The following MLLT10 variants were observed in gnomAD, a reference collection of about 807,000 sequenced individuals.
The protein encoded by MLLT10 is protein AF-10.
In MLLT10, 30 loss-of-function variants were observed where a neutral mutation model predicts 129.1. The ratio of observed to expected loss-of-function variants is 0.23; its 90% CI spans 0.17 to 0.32. MLLT10 has a LOEUF of 0.32. MLLT10 is among the 10% of genes least tolerant of loss of function. The pLI, the probability that MLLT10 is intolerant of heterozygous loss-of-function variation, is 1.00. For synonymous variants in MLLT10, 490 were observed against 446.4 expected (o/e 1.10, Z -1.23); for missense variants, 1,119 against 1,268.3 (o/e 0.88, Z 1.79).
intron 13 of MLLT10, among the ~76,000 whole-genome samples, chr10:21,712,525 T>TC (rs1485246720): frequency 6.6e-6 from 1 of 152,240 alleles, no homozygotes; most frequent in Non-Finnish European, 1.5e-5. Context: ...TTTATTTATT[T>TC]CTTTTTTCTG....
Position 21,669,060 on chromosome 10 carries a change from A to C in MLLT10, c.796-1389A>C, listed in dbSNP as rs537943914. 23 of 1,363,366 alleles carry C rather than the reference A, an allele frequency of 1.7e-5. No homozygotes were observed. In the African/African-American group the frequency reaches 3.0e-4, roughly 18 times the overall value. The allele number at this position is 1,363,366 out of a possible 1,614,324, so 84.5% of individuals were successfully genotyped here. On this transcript the variant is annotated intron_variant, in intron 9 of 22. Transcript: ENST00000307729. ...AAGGTTCATATTTCTAAAGTAAGCC[A>C]TGAAGTTTCATCAGCTTAAATGTAA...
intron 3 of MLLT10, chr10:21,551,690 C>G (rs1039272576): frequency 3.4e-6 from 1 of 294,968 alleles, no homozygotes; most frequent in African/African-American, 2.3e-5. Context: ...GAATTGAAAA[C>G]ATAGATGTAC....
chr10:21,578,389 C>G (rs2041017178), intron 3 of MLLT10, among the ~76,000 whole-genome samples: 1 of 152,150 alleles, frequency 6.6e-6, no homozygotes, highest in Non-Finnish European at 1.5e-5. Flanking sequence ...AGACATGCGA[C>G]TTGTAGACTT....
chr10:21,662,431 A>G (rs2050308058), intron 9 of MLLT10, among the ~76,000 whole-genome samples: 1 of 145,308 alleles, frequency 6.9e-6, no homozygotes, highest in South Asian at 2.3e-4. Flanking sequence ...TTCCTTTTCA[A>G]TTTTGGAAGT....
At chr10:21,717,819 TCTC>T (rs1363217802) in intron 14 of MLLT10, among the ~76,000 whole-genome samples, 4 of 107,274 alleles carry the variant, frequency 3.7e-5, no homozygotes, top group African/African-American at 1.5e-4. Context: ...TTCTCCTTCT[TCTC>T]CTCCTTCTCC....
chr10:21,538,098 T>C (rs2034396343), intron 2 of MLLT10, among the ~76,000 whole-genome samples: 1 of 151,208 alleles, frequency 6.6e-6, no homozygotes, highest in Admixed American at 6.6e-5. Flanking sequence ...CTTCCCAGGC[T>C]CAAGTCAGCC....
chr10:21,615,320 G>C (rs2045122343), intron 7 of MLLT10, among the ~76,000 whole-genome samples: 2 of 151,684 alleles, frequency 1.3e-5, no homozygotes, highest in African/African-American at 4.8e-5. Flanking sequence ...AGCGGGGTGT[G>C]CTGGTGCATG....
At chr10:21,639,698 C>G (rs1293247065) in intron 8 of MLLT10, among the ~76,000 whole-genome samples, 1 of 151,862 alleles carries the variant, frequency 6.6e-6, no homozygotes, top group Non-Finnish European at 1.5e-5. Flanking sequence ...GTAGGGAAAC[C>G]CAAGCAGGCC....
At chr10:21,570,828 T>G (rs1229212099) in intron 3 of MLLT10, among the ~76,000 whole-genome samples, 1 of 152,192 alleles carries the variant, frequency 6.6e-6, no homozygotes, top group African/African-American at 2.4e-5. Context: ...ATTGGTTTAT[T>G]TTTTGTTTCA....
At chr10:21,600,173 C>A (rs769566908) in intron 5 of MLLT10, among the ~76,000 whole-genome samples, 1 of 152,018 alleles carries the variant, frequency 6.6e-6, no homozygotes, top group Non-Finnish European at 1.5e-5. Context: ...TATCCTGGCA[C>A]CACACACACT....
At chr10:21,737,380 G>A (rs1434753440) in intron 21 of MLLT10, among the ~76,000 whole-genome samples, 2 of 152,158 alleles carry the variant, frequency 1.3e-5, no homozygotes, top group African/African-American at 2.4e-5. Flanking sequence ...GTGGGCACAC[G>A]GGGCAGTTTC....
chr10:21,634,651 C>G (rs2047298068), intron 8 of MLLT10, among the ~76,000 whole-genome samples: 1 of 152,174 alleles, frequency 6.6e-6, no homozygotes, highest in East Asian at 1.9e-4. Flanking sequence ...TGATGATTTT[C>G]TGTTTCTATC....
intron 13 of MLLT10, among the ~76,000 whole-genome samples, chr10:21,703,831 A>G (rs1479396908): frequency 6.6e-6 from 1 of 151,462 alleles, no homozygotes; most frequent in African/African-American, 2.4e-5. Flanking sequence ...GGTGTGAGCC[A>G]TCGCACCCGG....
At chr10:21,724,623 T>C (rs1306349750) in intron 14 of MLLT10, among the ~76,000 whole-genome samples, 1 of 152,256 alleles carries the variant, frequency 6.6e-6, no homozygotes, top group East Asian at 1.9e-4. Context: ...CTTTAACATT[T>C]GTGGTTCTGT....
At chr10:21,637,682 G>A (rs2047587821) in intron 8 of MLLT10, among the ~76,000 whole-genome samples, 1 of 152,166 alleles carries the variant, frequency 6.6e-6, no homozygotes, top group Non-Finnish European at 1.5e-5. Context: ...ACCCCTCTGG[G>A]AAAGCACTTC....
chr10:21,552,299 G>T (rs1197067385), intron 3 of MLLT10, among the ~76,000 whole-genome samples: 2 of 148,064 alleles, frequency 1.4e-5, no homozygotes, highest in African/African-American at 5.0e-5. Flanking sequence ...TTTTTCCTCT[G>T]TGATTAATAT....
At chr10:21,539,033 T>C in intron 3 of MLLT10, 121 bp downstream of exon 3, 3 of 617,186 alleles carry the variant, frequency 4.9e-6, no homozygotes, top group Non-Finnish European at 8.3e-6. Context: ...ATGTAAGAGA[T>C]AATTTAGGCC....
intron 21 of MLLT10, 50 bp downstream of exon 21, chr10:21,735,285 T>G: frequency 7.3e-7 from 1 of 1,368,678 alleles, no homozygotes; most frequent in Non-Finnish European, 1.0e-6. Context: ...TGTTCTAAGC[T>G]GTAATATTCA....
intron 13 of MLLT10, among the ~76,000 whole-genome samples, chr10:21,687,069 C>T (rs530087589): frequency 1.6e-4 from 25 of 152,148 alleles, no homozygotes; most frequent in Non-Finnish European, 2.5e-4. Flanking sequence ...CCAAGTCCCA[C>T]TTATTGCACT....
Sources: gnomAD v4.1 joint callset for allele counts (sites outside exome capture counted in the v4.1 genomes callset) on GRCh38, gnomAD v4.1.1 for gene constraint, MANE v1.5 for transcripts, NCBI Gene and HGNC (gene_info 2026-07-23, HGNC 2026-07-21) for gene names.